Variants in MSRA observed in about 807,000 individuals in gnomAD.
MSRA encodes the protein mitochondrial peptide methionine sulfoxide reductase.
In MSRA, 54 loss-of-function variants were observed where a neutral mutation model predicts 31.3. The ratio of observed to expected loss-of-function variants is 1.73; its 90% CI spans 1.39 to 2.17. MSRA has a LOEUF of 2.17. Among genes scored for constraint, MSRA ranks in the 30% most tolerant of loss-of-function variants. MSRA has a pLI of 0.00. For synonymous variants in MSRA, 169 were observed against 116.5 expected (o/e 1.45, Z -2.90); for missense variants, 507 against 300.9 (o/e 1.69, Z -5.07).
intron 1 of MSRA, among the ~76,000 whole-genome samples, chr8:10,188,603 G>C (rs552940373): frequency 1.3e-5 from 2 of 152,282 alleles, no homozygotes; most frequent in African/African-American, 4.8e-5. Context: ...CGTAAGAGTT[G>C]GGGTTTATTT....
chr8:10,259,420 T>C (rs1025353911), intron 3 of MSRA, among the ~76,000 whole-genome samples: 4 of 152,122 alleles, frequency 2.6e-5, no homozygotes, highest in Non-Finnish European at 4.4e-5. Flanking sequence ...ACACTGCTCA[T>C]AATTAGAGTC....
chr8:10,341,928 C>A (rs1241706197), intron 5 of MSRA, among the ~76,000 whole-genome samples: 3 of 152,144 alleles, frequency 2.0e-5, no homozygotes, highest in Non-Finnish European at 4.4e-5. Flanking sequence ...CCCCATTTTC[C>A]ATCAGTGCAT....
intron 5 of MSRA, among the ~76,000 whole-genome samples, chr8:10,360,122 G>A (rs369547968): frequency 1.3e-3 from 201 of 152,310 alleles, no homozygotes; most frequent in African/African-American, 4.5e-3. Flanking sequence ...AGGCCCTTGC[G>A]TGTGCTGCTG....
chr8:10,394,688 G>C (rs898948453), intron 5 of MSRA, among the ~76,000 whole-genome samples: 8 of 152,218 alleles, frequency 5.3e-5, no homozygotes, highest in African/African-American at 1.9e-4. Flanking sequence ...GCTGTGCTCA[G>C]GAAACAGGTC....
intron 5 of MSRA, among the ~76,000 whole-genome samples, chr8:10,365,146 A>G (rs1805085209): frequency 6.7e-6 from 1 of 150,372 alleles, no homozygotes; most frequent in African/African-American, 2.4e-5. Flanking sequence ...AGCAACCAAA[A>G]AAAAAAAAAA....
At chr8:10,152,886 A>G (rs1469521134) in intron 1 of MSRA, among the ~76,000 whole-genome samples, 4 of 152,226 alleles carry the variant, frequency 2.6e-5, no homozygotes, top group Non-Finnish European at 5.9e-5. Context: ...ACATGATGCT[A>G]TGAGAAATCA....
intron 3 of MSRA, among the ~76,000 whole-genome samples, chr8:10,261,368 A>G (rs1396481231): frequency 6.8e-6 from 1 of 147,908 alleles, no homozygotes; most frequent in Non-Finnish European, 1.5e-5. Flanking sequence ...TGTCTTCATG[A>G]AGGGTATATA....
At chr8:10,230,598 C>CT (rs1811378751) in intron 2 of MSRA, among the ~76,000 whole-genome samples, 1 of 152,180 alleles carries the variant, frequency 6.6e-6, no homozygotes, top group South Asian at 2.1e-4. Context: ...TTCTTCCAGA[C>CT]TATCTGTCAG....
intron 3 of MSRA, among the ~76,000 whole-genome samples, chr8:10,259,957 G>A (rs183720269): frequency 3.1e-4 from 47 of 152,350 alleles, no homozygotes; most frequent in African/African-American, 1.1e-3. Context: ...TTTGGCACAG[G>A]CCCTCTGAGG....
At position 10,228,705 on chromosome 8, in the gene MSRA, A is replaced by G. The variant is rs114053241; in HGVS notation, c.212-16399A>G. Among the ~76,000 whole-genome samples the G allele has an allele frequency of 9.9e-3, 1,509 of 152,188 alleles. 30 individuals carry two copies. The highest frequency in any genetic ancestry group is 0.035 in the African/African-American group (1,448 of 41,514). On this transcript the variant is annotated intron_variant, in intron 2 of 5. Coordinates refer to ENST00000317173, the MANE Select transcript of MSRA (RefSeq NM_012331.5). ...GGAATCCAGAGTCTGCCTTGGTTCT[A>G]TCTATGTCTTTGGGCAAGTGGCCTA...
At chr8:10,200,199 G>T (rs1398990137) in intron 1 of MSRA, among the ~76,000 whole-genome samples, 1 of 152,242 alleles carries the variant, frequency 6.6e-6, no homozygotes, top group Non-Finnish European at 1.5e-5. Context: ...GATGGTCGTG[G>T]AGGGCGGGGT....
At chr8:10,402,890 G>T (rs1807553310) in intron 5 of MSRA, among the ~76,000 whole-genome samples, 1 of 152,200 alleles carries the variant, frequency 6.6e-6, no homozygotes, top group Non-Finnish European at 1.5e-5. Flanking sequence ...TAATGACCCT[G>T]ATTCTCCTGC....
At chr8:10,336,330 A>G (rs551755010) in intron 5 of MSRA, among the ~76,000 whole-genome samples, 1 of 152,298 alleles carries the variant, frequency 6.6e-6, no homozygotes, top group South Asian at 2.1e-4. Context: ...TGACTTAAAC[A>G]CTAATATATT....
chr8:10,237,397 A>C (rs1442698483), intron 2 of MSRA, among the ~76,000 whole-genome samples: 1 of 152,278 alleles, frequency 6.6e-6, no homozygotes, highest in Non-Finnish European at 1.5e-5. Flanking sequence ...GGTCAATTAT[A>C]TATGTTGACT....
chr8:10,105,802 G>T (rs1035090247), intron 1 of MSRA, among the ~76,000 whole-genome samples: 1 of 152,134 alleles, frequency 6.6e-6, no homozygotes, highest in African/African-American at 2.4e-5. Context: ...CAATCAAGTA[G>T]CACTTATTCA....
chr8:10,243,421 A>T (rs1000692028), intron 2 of MSRA, among the ~76,000 whole-genome samples: 28 of 152,320 alleles, frequency 1.8e-4, no homozygotes, highest in African/African-American at 6.3e-4. Context: ...GAAAATTAAT[A>T]GTGAATGCTT....
chr8:10,164,566 T>C (rs1804954368), intron 1 of MSRA, among the ~76,000 whole-genome samples: 1 of 152,200 alleles, frequency 6.6e-6, no homozygotes, highest in African/African-American at 2.4e-5. Context: ...TCACAGAGAA[T>C]GGGAAAACTC....
At chr8:10,094,710 A>G (rs1261982755) in intron 1 of MSRA, among the ~76,000 whole-genome samples, 2 of 152,208 alleles carry the variant, frequency 1.3e-5, no homozygotes, top group Non-Finnish European at 2.9e-5. Flanking sequence ...TAAACCAGGT[A>G]AGTGTGTGAA....
intron 2 of MSRA, among the ~76,000 whole-genome samples, chr8:10,222,157 A>G (rs1810571252): frequency 6.6e-6 from 1 of 152,036 alleles, no homozygotes; most frequent in Non-Finnish European, 1.5e-5. Flanking sequence ...CAGCAGGAAT[A>G]CCACTTAGGA....
Sources: allele counts gnomAD v4.1 joint callset (sites outside exome capture counted in the v4.1 genomes callset), GRCh38; gene constraint gnomAD v4.1.1; transcripts MANE v1.5; gene names NCBI Gene and HGNC (gene_info 2026-07-23, HGNC 2026-07-21).